KCNH7: variants seen among roughly 807,000 people sequenced by gnomAD.
KCNH7 encodes the protein voltage-gated inwardly rectifying potassium channel KCNH7.
A neutral mutation model predicts 120.8 loss-of-function variants in KCNH7; 49 were observed. That is an observed-to-expected ratio of 0.41 (90% CI 0.32 to 0.51). The LOEUF (loss-of-function observed/expected upper bound fraction) is 0.51. KCNH7 is among the 20% of genes least tolerant of loss of function. The pLI is 0.38. For synonymous variants in KCNH7, 547 were observed against 516.1 expected (o/e 1.06, Z -0.81); for missense variants, 1,097 against 1,446.6 (o/e 0.76, Z 3.92).
At chr2:162,666,577 A>T (rs71424740) in intron 2 of KCNH7, among the ~76,000 whole-genome samples, 3,432 of 151,832 alleles carry the variant, frequency 0.023, 72 homozygotes, top group East Asian at 0.11. Context: ...TTTCTCCCAC[A>T]CCTCATGTGC....
At chr2:162,814,143 G>A (rs1029188895) in intron 2 of KCNH7, among the ~76,000 whole-genome samples, 4 of 152,128 alleles carry the variant, frequency 2.6e-5, no homozygotes, top group African/African-American at 9.7e-5. Flanking sequence ...AGAAGAGGAA[G>A]TAGGAGGTAG....
chr2:162,727,239 T>C (rs1349165158), intron 2 of KCNH7, among the ~76,000 whole-genome samples: 1 of 152,210 alleles, frequency 6.6e-6, no homozygotes, highest in South Asian at 2.1e-4. Flanking sequence ...GTGATGTTAC[T>C]GATAAAATAT....
chr2:162,460,639 C>A lies in KCNH7; in HGVS notation c.1129-14196G>T, dbSNP rs192804602. Among the ~76,000 whole-genome samples, 31 of 152,288 alleles carry A rather than the reference C, an allele frequency of 2.0e-4. No individual in the cohort carries two copies. The East Asian group carries it at 2.7e-3, about 13-fold the overall frequency. ...GAAGCTCAGAGACCATCATAAAACA[C>A]ATTCTCCCCTAGAACCTTCAGAGAG... On this transcript the variant is annotated intron_variant, in intron 6 of 15. Coordinates refer to ENST00000332142, the MANE Select transcript of KCNH7 (RefSeq NM_033272.4).
intron 2 of KCNH7, among the ~76,000 whole-genome samples, chr2:162,758,251 C>T (rs1429316025): frequency 6.6e-6 from 1 of 152,000 alleles, no homozygotes. Context: ...GATGAGAGTT[C>T]CCTGAGATCC....
rs539058125 is a variant in KCNH7 at position 162,559,760 on chromosome 2, T to C, written c.308-22680A>G. On this transcript the variant is annotated intron_variant, in intron 2 of 15. Transcript: ENST00000332142. ...GTAAGGTGGTCCACAAAAATGTGTC[T>C]GGATGAACTATATACCTGAGCTATA... Among the ~76,000 whole-genome samples, 3 of 152,308 alleles carry C rather than the reference T, an allele frequency of 2.0e-5. No individual in the cohort carries two copies. The South Asian group carries it at 6.2e-4, about 32-fold the overall frequency.
At position 162,492,501 on chromosome 2, in the gene KCNH7, C is replaced by A. The variant is rs1574024485; in HGVS notation, c.1128+11942G>T. On this transcript the variant is annotated intron_variant, in intron 6 of 15. Coordinates refer to ENST00000332142, the MANE Select transcript of KCNH7 (RefSeq NM_033272.4). ...TGGTTAATACCTTTGTGACTTTTTA[C>A]CATTTGGTGATTATCTTCCCCTCCA... Among the ~76,000 whole-genome samples the A allele has an allele frequency of 2.0e-5, 3 of 152,228 alleles. No homozygotes were observed. In the East Asian group the frequency reaches 5.8e-4, roughly 29 times the overall value.
chr2:162,648,817 G>A (rs1684469749), intron 2 of KCNH7, among the ~76,000 whole-genome samples: 1 of 151,970 alleles, frequency 6.6e-6, no homozygotes, highest in South Asian at 2.1e-4. Flanking sequence ...CAGTTCAAAT[G>A]CTACCTTCTT....
chr2:162,391,695 A>G (rs1686750026), intron 12 of KCNH7, among the ~76,000 whole-genome samples: 1 of 152,102 alleles, frequency 6.6e-6, no homozygotes, highest in Admixed American at 6.6e-5. Context: ...TTATCAGGCG[A>G]TAAAAACATT....
chr2:162,442,010 T>C (rs1319038062), intron 7 of KCNH7, among the ~76,000 whole-genome samples: 1 of 94,292 alleles, frequency 1.1e-5, no homozygotes, highest in South Asian at 4.3e-4. Flanking sequence ...TTTTTTTTTT[T>C]TTTTTTTTTT....
chr2:162,762,973 A>T (rs999297448), intron 2 of KCNH7, among the ~76,000 whole-genome samples: 1 of 152,102 alleles, frequency 6.6e-6, no homozygotes, highest in Non-Finnish European at 1.5e-5. Flanking sequence ...CAGTAAAATA[A>T]CACATTCATC....
intron 6 of KCNH7, among the ~76,000 whole-genome samples, chr2:162,453,194 A>G (rs1415833721): frequency 6.6e-6 from 1 of 152,078 alleles, no homozygotes; most frequent in African/African-American, 2.4e-5. Context: ...ACTCCCACTT[A>G]TAAGTGAGAA....
chr2:162,579,032 T>C (rs1224420748), intron 2 of KCNH7, among the ~76,000 whole-genome samples: 1 of 151,936 alleles, frequency 6.6e-6, no homozygotes, highest in Non-Finnish European at 1.5e-5. Context: ...TAATCCTATG[T>C]GTTAGTGAAA....
At chr2:162,392,724 G>A (rs1686780749) in intron 12 of KCNH7, among the ~76,000 whole-genome samples, 1 of 151,960 alleles carries the variant, frequency 6.6e-6, no homozygotes, top group African/African-American at 2.4e-5. Flanking sequence ...TGTTGCTGAA[G>A]AGATGAACTG....
At chr2:162,389,593 A>C (rs1464843306) in intron 12 of KCNH7, among the ~76,000 whole-genome samples, 1 of 151,968 alleles carries the variant, frequency 6.6e-6, no homozygotes, top group African/African-American at 2.4e-5. Context: ...GGGAGAGGTG[A>C]CCTCAGGTGA....
chr2:162,591,402 AC>A (rs1164756604), intron 2 of KCNH7, among the ~76,000 whole-genome samples: 3 of 152,098 alleles, frequency 2.0e-5, no homozygotes, highest in African/African-American at 4.8e-5. Flanking sequence ...ATAAAAAAAA[AC>A]AAGCTAGAGT....
chr2:162,552,827 A>T (rs768001256), intron 2 of KCNH7, among the ~76,000 whole-genome samples: 6 of 152,208 alleles, frequency 3.9e-5, no homozygotes, highest in Non-Finnish European at 8.8e-5. Context: ...TCTTATGACC[A>T]TGGAAAATGG....
At chr2:162,631,710 C>A in intron 2 of KCNH7, among the ~76,000 whole-genome samples, 1 of 151,878 alleles carries the variant, frequency 6.6e-6, no homozygotes, top group East Asian at 1.9e-4. Flanking sequence ...CTGTGAGAAA[C>A]AACACCAGAT....
intron 7 of KCNH7, among the ~76,000 whole-genome samples, chr2:162,437,756 A>C (rs897176219): frequency 4.6e-5 from 7 of 152,150 alleles, no homozygotes; most frequent in African/African-American, 1.7e-4. Flanking sequence ...TCCATCAATA[A>C]GCAGGAACTT....
intron 2 of KCNH7, among the ~76,000 whole-genome samples, chr2:162,802,832 A>G (rs1308355699): frequency 2.0e-5 from 3 of 151,822 alleles, no homozygotes; most frequent in Admixed American, 6.6e-5. Flanking sequence ...AAGATGTCTA[A>G]GAAAAATAAT....
Sources: allele counts gnomAD v4.1 joint callset (sites outside exome capture counted in the v4.1 genomes callset), GRCh38; gene constraint gnomAD v4.1.1; transcripts MANE v1.5; gene names NCBI Gene and HGNC (gene_info 2026-07-23, HGNC 2026-07-21).